The following TXNDC16 variants were observed in gnomAD, a reference collection of about 807,000 sequenced individuals.
TXNDC16 encodes the protein thioredoxin domain containing 16.
A neutral mutation model predicts 85.6 loss-of-function variants in TXNDC16; 74 were observed. The observed-to-expected ratio is 0.86, with a 90% confidence interval of 0.72 to 1.05. TXNDC16 has a LOEUF of 1.05. TXNDC16 is among the 50% of genes least tolerant of loss of function. TXNDC16 has a pLI of 0.00. For synonymous variants in TXNDC16, 335 were observed against 326.5 expected (o/e 1.03, Z -0.28); for missense variants, 959 against 947.0 (o/e 1.01, Z -0.17).
intron 20 of TXNDC16, among the ~76,000 whole-genome samples, chr14:52,433,968 C>T (rs1446056587): frequency 6.6e-6 from 1 of 152,136 alleles, no homozygotes. Flanking sequence ...AGCTTGGCCC[C>T]AGGAGTTCAA....
chr14:52,482,876 T>C lies in TXNDC16; in HGVS notation c.1198A>G (p.Thr400Ala). The C allele has an allele frequency of 2.5e-6, 4 of 1,612,518 alleles. No individual in the cohort carries two copies. Among genetic ancestry groups the C allele is most frequent in the Non-Finnish European group, 3.4e-6 (4 of 1,179,470 alleles). ...LELTVELTEE[T>A]FNATVMASDS... ...GAAGCCATCACTGTTGCATTAAATGTTTCTTCTGTTAGTTCCACTGTAAGT... is the reference window on the plus strand; with the variant it reads ...GAAGCCATCACTGTTGCATTAAATGCTTCTTCTGTTAGTTCCACTGTAAGT... Residue 400 changes from threonine (T) to alanine (A), a missense_variant, in exon 13 of 21, where the codon ACA (threonine) becomes GCA (alanine). Coordinates refer to ENST00000281741, the MANE Select transcript of TXNDC16 (RefSeq NM_020784.3).
chr14:52,540,551 G>A (rs2037806513), intron 4 of TXNDC16, among the ~76,000 whole-genome samples: 1 of 152,122 alleles, frequency 6.6e-6, no homozygotes, highest in Non-Finnish European at 1.5e-5. Flanking sequence ...CTTGAACCCA[G>A]GAGGCAGAGG....
intron 12 of TXNDC16, among the ~76,000 whole-genome samples, chr14:52,486,253 T>TA (rs2036267011): frequency 6.6e-6 from 1 of 150,518 alleles, no homozygotes; most frequent in African/African-American, 2.4e-5. Flanking sequence ...ATTAATAACA[T>TA]ACACACTATT....
chr14:52,537,510 T>G, intron 5 of TXNDC16, 89 bp downstream of exon 5: 3 of 1,016,374 alleles, frequency 3.0e-6, no homozygotes, highest in Non-Finnish European at 4.5e-6. Flanking sequence ...TACATATGAC[T>G]TTATTCTAGC....
At chr14:52,475,794 G>T (rs960496836) in intron 14 of TXNDC16, among the ~76,000 whole-genome samples, 2 of 152,094 alleles carry the variant, frequency 1.3e-5, no homozygotes, top group Non-Finnish European at 2.9e-5. Flanking sequence ...CCTGCCTACT[G>T]CCTGTTCCTC....
intron 1 of TXNDC16, among the ~76,000 whole-genome samples, chr14:52,544,603 T>A (rs1427612366): frequency 8.5e-5 from 13 of 152,168 alleles, no homozygotes. Context: ...AATAAAGAAT[T>A]TGAAATGTAT....
intron 9 of TXNDC16, among the ~76,000 whole-genome samples, chr14:52,504,427 A>T (rs1322980671): frequency 1.3e-5 from 2 of 152,200 alleles, no homozygotes; most frequent in East Asian, 3.8e-4. Context: ...AACATTCTTA[A>T]AGAAAAGAAT....
At chr14:52,500,698 A>G (rs1366991885) in intron 9 of TXNDC16, among the ~76,000 whole-genome samples, 1 of 152,226 alleles carries the variant, frequency 6.6e-6, no homozygotes, top group Non-Finnish European at 1.5e-5. Flanking sequence ...AGTTCTCTAG[A>G]AATAGGAGCT....
intron 16 of TXNDC16, among the ~76,000 whole-genome samples, chr14:52,466,230 T>TA (rs1045593801): frequency 8.0e-5 from 12 of 150,658 alleles, no homozygotes; most frequent in African/African-American, 2.7e-4. Context: ...CCATCTCTAC[T>TA]AAAAATACAA....
At chr14:52,467,642 G>A (rs2035808659) in intron 16 of TXNDC16, among the ~76,000 whole-genome samples, 1 of 152,184 alleles carries the variant, frequency 6.6e-6, no homozygotes, top group African/African-American at 2.4e-5. Context: ...CCTGTACACT[G>A]TTGGTAGGAA....
chr14:52,503,688 G>A (rs1399132717), intron 9 of TXNDC16, among the ~76,000 whole-genome samples: 1 of 152,210 alleles, frequency 6.6e-6, no homozygotes, highest in Admixed American at 6.5e-5. Context: ...CCAAAGGAAC[G>A]CAGCTCCTCA....
chr14:52,438,160 T>C (rs528518979), intron 20 of TXNDC16, among the ~76,000 whole-genome samples: 74 of 152,338 alleles, frequency 4.9e-4, no homozygotes, highest in African/African-American at 1.7e-3. Context: ...ATGAACATCG[T>C]TGAAATGACA....
intron 18 of TXNDC16, among the ~76,000 whole-genome samples, chr14:52,448,507 AAC>A (rs2035335458): frequency 6.6e-6 from 1 of 152,156 alleles, no homozygotes; most frequent in Non-Finnish European, 1.5e-5. Flanking sequence ...GAATTTCATC[AAC>A]ACCGGATCTG....
At chr14:52,515,712 T>C (rs1299976061) in intron 7 of TXNDC16, among the ~76,000 whole-genome samples, 2 of 148,074 alleles carry the variant, frequency 1.4e-5, no homozygotes, top group African/African-American at 2.5e-5. Context: ...TGTGTGTGTA[T>C]CATATATAAC....
chr14:52,539,686 G>C (rs1233194518), intron 4 of TXNDC16, among the ~76,000 whole-genome samples: 4 of 151,962 alleles, frequency 2.6e-5, no homozygotes, highest in Non-Finnish European at 5.9e-5. Context: ...TATAGGAAGT[G>C]GTCAGATTTG....
chr14:52,494,899 T>C (rs1337612648), intron 9 of TXNDC16, among the ~76,000 whole-genome samples: 1 of 152,176 alleles, frequency 6.6e-6, no homozygotes, highest in Non-Finnish European at 1.5e-5. Context: ...GAACCAGTGG[T>C]GGTGAAGGAC....
intron 9 of TXNDC16, 81 bp downstream of exon 9, chr14:52,511,159 T>C (rs547216496): frequency 8.0e-7 from 1 of 1,253,316 alleles, no homozygotes; most frequent in Non-Finnish European, 1.0e-6. Context: ...CTTAACAAAT[T>C]TTATGTTAAA....
intron 1 of TXNDC16, 124 bp from the exon 2 acceptor site, chr14:52,544,495 G>A (rs1005064429): frequency 6.6e-6 from 1 of 151,878 alleles, no homozygotes; most frequent in Non-Finnish European, 1.5e-5. Flanking sequence ...TCAAATGCAA[G>A]CTCACTATCT....
intron 19 of TXNDC16, among the ~76,000 whole-genome samples, chr14:52,439,974 C>T (rs1037389637): frequency 1.3e-5 from 2 of 152,036 alleles, no homozygotes; most frequent in African/African-American, 4.8e-5. Context: ...ATGATAATTG[C>T]CTGGGAAAAT....
Sources: allele counts gnomAD v4.1 joint callset (sites outside exome capture counted in the v4.1 genomes callset), GRCh38; gene constraint gnomAD v4.1.1; transcripts MANE v1.5; gene names NCBI Gene and HGNC (gene_info 2026-07-23, HGNC 2026-07-21).